Variants in NAV2 observed in about 807,000 individuals in gnomAD.
NAV2 encodes the protein neuron navigator 2, also known as helicase, APC down-regulated 1.
A neutral mutation model predicts 223.2 loss-of-function variants in NAV2; 54 were observed. That is an observed-to-expected ratio of 0.24 (90% CI 0.19 to 0.30). NAV2 has a LOEUF of 0.30. NAV2 is among the 10% of genes least tolerant of loss of function. The pLI is 1.00. For missense variants in NAV2, 2,806 were observed against 3,147.5 expected (o/e 0.89, Z 2.60); for synonymous variants, 1,279 against 1,239.3 (o/e 1.03, Z -0.67).
At chr11:19,437,674 G>A (rs1183053763) in intron 1 of NAV2, among the ~76,000 whole-genome samples, 2 of 151,770 alleles carry the variant, frequency 1.3e-5, no homozygotes, top group East Asian at 3.9e-4. Context: ...AAAACCATTG[G>A]TTATAACATT....
intron 1 of NAV2, among the ~76,000 whole-genome samples, chr11:19,678,720 C>T (rs1424254084): frequency 6.6e-6 from 1 of 152,198 alleles, no homozygotes; most frequent in African/African-American, 2.4e-5. Flanking sequence ...GCATCATCTT[C>T]CGAGATACCA....
intron 6 of NAV2, among the ~76,000 whole-genome samples, chr11:19,931,347 G>C (rs1939049049): frequency 1.3e-5 from 2 of 152,150 alleles, no homozygotes; most frequent in Non-Finnish European, 2.9e-5. Context: ...TCCCCAGTAA[G>C]TCAGGAAGAT....
intron 1 of NAV2, among the ~76,000 whole-genome samples, chr11:19,755,378 G>A (rs1017992444): frequency 7.9e-5 from 12 of 152,190 alleles, no homozygotes; most frequent in African/African-American, 2.9e-4. Flanking sequence ...CTGTGAGGAA[G>A]GTGACTTTGA....
chr11:19,577,515 C>A (rs1185604686), intron 1 of NAV2, among the ~76,000 whole-genome samples: 2 of 152,258 alleles, frequency 1.3e-5, no homozygotes, highest in African/African-American at 4.8e-5. Context: ...CTCAGTGTAG[C>A]CACTTCTCCC....
chr11:19,954,851 G>C (rs1349834895), intron 10 of NAV2, among the ~76,000 whole-genome samples: 8 of 6,632 alleles, frequency 1.2e-3, no homozygotes, highest in Non-Finnish European at 6.0e-3. Context: ...ATGTATGTGA[G>C]TATATGTGTG....
At chr11:19,685,483 C>T (rs543645495) in intron 1 of NAV2, among the ~76,000 whole-genome samples, 1 of 152,188 alleles carries the variant, frequency 6.6e-6, no homozygotes, top group Non-Finnish European at 1.5e-5. Flanking sequence ...TCAAGCTCTG[C>T]GGGCTCCAAG....
At chr11:20,099,580 C>G (rs2061493316) in intron 31 of NAV2, among the ~76,000 whole-genome samples, 1 of 152,170 alleles carries the variant, frequency 6.6e-6, no homozygotes, top group Non-Finnish European at 1.5e-5. Flanking sequence ...TTCAGTGACA[C>G]CTGACTCTTC....
At chr11:20,028,121 G>A (rs1435112442) in intron 11 of NAV2, among the ~76,000 whole-genome samples, 1 of 152,152 alleles carries the variant, frequency 6.6e-6, no homozygotes, top group Non-Finnish European at 1.5e-5. Flanking sequence ...TCAGTTCTGT[G>A]GAATTCTCAC....
In NAV2 at chr11:19,976,993, T is replaced by A. The variant is rs114086335; in HGVS notation, c.2646-7132T>A. Among the ~76,000 whole-genome samples, 644 of 152,302 alleles carry A rather than the reference T, an allele frequency of 4.2e-3. 1 individual carries two copies. Among genetic ancestry groups the A allele is most frequent in the African/African-American group, 0.015 (614 of 41,562 alleles). On this transcript the variant is annotated intron_variant, in intron 10 of 37. Transcript: ENST00000349880. ...CTAAAAAGAACAAGTCGCTATCAACTTGGTGACATCCTGAAGAGCTGACAG... is the reference window on the plus strand; with the variant it reads ...CTAAAAAGAACAAGTCGCTATCAACATGGTGACATCCTGAAGAGCTGACAG...
intron 9 of NAV2, among the ~76,000 whole-genome samples, chr11:19,946,874 A>G (rs780866035): frequency 1.3e-4 from 20 of 152,326 alleles, no homozygotes; most frequent in Non-Finnish European, 2.6e-4. Context: ...ATTCCTACCC[A>G]ATCTTCTGAT....
intron 1 of NAV2, among the ~76,000 whole-genome samples, chr11:19,811,090 T>C (rs1040708249): frequency 1.3e-5 from 2 of 152,172 alleles, no homozygotes; most frequent in African/African-American, 4.8e-5. Context: ...GAGAAAAATG[T>C]GTGTGATTTA....
At chr11:20,106,281 G>A (rs1429593817) in intron 35 of NAV2, among the ~76,000 whole-genome samples, 7 of 140,174 alleles carry the variant, frequency 5.0e-5, no homozygotes, top group East Asian at 4.3e-4. Flanking sequence ...CCTTTTGGCC[G>A]GGCATGGTGG....
intron 1 of NAV2, among the ~76,000 whole-genome samples, chr11:19,743,079 C>A (rs1378140184): frequency 1.3e-5 from 2 of 152,162 alleles, no homozygotes; most frequent in Non-Finnish European, 2.9e-5. Context: ...AGTTGTGTAG[C>A]CTTGGTTCAA....
intron 1 of NAV2, among the ~76,000 whole-genome samples, chr11:19,776,396 G>GA (rs1334407671): frequency 2.6e-5 from 4 of 152,180 alleles, no homozygotes; most frequent in Admixed American, 6.5e-5. Context: ...GGCAGACGAG[G>GA]AAATAAAGGC....
intron 1 of NAV2, chr11:19,351,138 A>G (rs1853284319): frequency 4.5e-6 from 5 of 1,104,352 alleles, no homozygotes; most frequent in Non-Finnish European, 6.7e-6. Flanking sequence ...TTCTCTCCGG[A>G]AGGAGGTAGC....
At chr11:19,707,910 G>T (rs553660675), upstream of NAV2, among the ~76,000 whole-genome samples, 17 of 152,308 alleles carry the variant, frequency 1.1e-4, no homozygotes, top group Non-Finnish European at 2.1e-4. Flanking sequence ...TATGCAGTCA[G>T]TCATTGACCA....
intron 1 of NAV2, among the ~76,000 whole-genome samples, chr11:19,808,275 G>T (rs1383515117): frequency 6.6e-6 from 1 of 152,156 alleles, no homozygotes; most frequent in Non-Finnish European, 1.5e-5. Context: ...CTGGAGAGGG[G>T]TTGCATCACC....
At chr11:19,648,777 C>T (rs1419695952) in intron 1 of NAV2, among the ~76,000 whole-genome samples, 1 of 152,108 alleles carries the variant, frequency 6.6e-6, no homozygotes, top group Non-Finnish European at 1.5e-5. Context: ...GGCAGTAACA[C>T]AATTAAATAC....
intron 1 of NAV2, among the ~76,000 whole-genome samples, chr11:19,831,562 C>T (rs2059944838): frequency 6.6e-6 from 1 of 152,200 alleles, no homozygotes; most frequent in Non-Finnish European, 1.5e-5. Flanking sequence ...CTTCTGCAAA[C>T]TCACAAGTCC....
Sources: gnomAD v4.1 joint callset for allele counts (sites outside exome capture counted in the v4.1 genomes callset) on GRCh38, gnomAD v4.1.1 for gene constraint, MANE v1.5 for transcripts, NCBI Gene and HGNC (gene_info 2026-07-23, HGNC 2026-07-21) for gene names.